The following SAMD4A variants were observed in gnomAD, a reference collection of about 807,000 sequenced individuals.
The protein encoded by SAMD4A is protein Smaug homolog 1.
Under a neutral mutation model 81.3 loss-of-function variants are expected in SAMD4A, and 33 were observed. That is an observed-to-expected ratio of 0.41 (90% CI 0.31 to 0.54). The LOEUF is 0.54. Ranked by LOEUF, SAMD4A falls within the 20% of genes least tolerant of loss-of-function variation. The probability of loss-of-function intolerance (pLI) is 0.37; values close to 1 mark genes in which losing one functional copy is unlikely to be tolerated. For missense variants in SAMD4A, 854 were observed against 951.1 expected, an observed-to-expected ratio of 0.90 and a Z score of 1.34; for synonymous variants, 389 against 382.1, an observed-to-expected ratio of 1.02 and a Z score of -0.21.
chr14:54,637,388 G>A (rs73271542), intron 2 of SAMD4A, among the ~76,000 whole-genome samples: 50,144 of 125,248 alleles, frequency 0.4, 10,359 homozygotes, highest in East Asian at 0.76. Context: ...AAAAAAAAAA[G>A]AGGCAAGAAG....
chr14:54,693,495 C>G (rs1184864882), intron 2 of SAMD4A: 1 of 152,162 alleles, frequency 6.6e-6, no homozygotes, highest in Admixed American at 6.6e-5. Context: ...CTAACCTGAG[C>G]AACAAAGCAA....
intron 11 of SAMD4A, among the ~76,000 whole-genome samples, chr14:54,777,343 T>G (rs1201903462): frequency 6.6e-6 from 1 of 152,072 alleles, no homozygotes; most frequent in African/African-American, 2.4e-5. Context: ...TGGCCTGGAA[T>G]AGGCAAGGAA....
intron 2 of SAMD4A, chr14:54,687,939 A>G (rs1343010279): frequency 2.0e-6 from 2 of 986,864 alleles, no homozygotes; most frequent in Admixed American, 1.2e-4. Flanking sequence ...TCTGTGGCTG[A>G]TGCCTCTGAC....
intron 2 of SAMD4A, among the ~76,000 whole-genome samples, chr14:54,577,836 G>A (rs942278402): frequency 6.6e-6 from 1 of 152,210 alleles, no homozygotes; most frequent in Non-Finnish European, 1.5e-5. Flanking sequence ...GCAGAGAGCT[G>A]TCACTGCTTA....
At chr14:54,764,720 C>T (rs761328718) in intron 8 of SAMD4A, among the ~76,000 whole-genome samples, 180 bp downstream of exon 8, 17 of 152,210 alleles carry the variant, frequency 1.1e-4, no homozygotes, top group Non-Finnish European at 2.2e-4. Context: ...ACAGCTTGAA[C>T]ATTACTTTGG....
At chr14:54,684,829 G>T (rs2036219403) in intron 2 of SAMD4A, among the ~76,000 whole-genome samples, 1 of 152,240 alleles carries the variant, frequency 6.6e-6, no homozygotes, top group African/African-American at 2.4e-5. Context: ...CAGCAGGCCT[G>T]CTCTGTGCAG....
chr14:54,635,441 T>A (rs990881473), intron 2 of SAMD4A, among the ~76,000 whole-genome samples: 2 of 149,986 alleles, frequency 1.3e-5, no homozygotes, highest in Non-Finnish European at 3.0e-5. Flanking sequence ...ATAATAATAA[T>A]AAAATAAAAT....
At chr14:54,723,653 C>T (rs1456298443) in intron 3 of SAMD4A, among the ~76,000 whole-genome samples, 2 of 152,222 alleles carry the variant, frequency 1.3e-5, no homozygotes, top group African/African-American at 2.4e-5. Context: ...ATTAACACTG[C>T]CTTGCGGCTT....
intron 2 of SAMD4A, among the ~76,000 whole-genome samples, chr14:54,582,222 A>T (rs1343014912): frequency 6.6e-6 from 1 of 152,020 alleles, no homozygotes; most frequent in Non-Finnish European, 1.5e-5. Context: ...GATAGGAATA[A>T]TTTGGACAAG....
intron 8 of SAMD4A, among the ~76,000 whole-genome samples, chr14:54,769,076 C>T (rs2139903906): frequency 6.6e-6 from 1 of 152,352 alleles, no homozygotes; most frequent in South Asian, 2.1e-4. Context: ...TCAATCAAAT[C>T]ACATGGATTT....
chr14:54,575,738 C>T (rs903926454), intron 2 of SAMD4A, among the ~76,000 whole-genome samples: 18 of 152,266 alleles, frequency 1.2e-4, no homozygotes, highest in Middle Eastern at 3.4e-3. Flanking sequence ...GTTTTACTTA[C>T]GCATGTAAGC....
At chr14:54,608,448 A>G (rs1046397777) in intron 2 of SAMD4A, among the ~76,000 whole-genome samples, 1 of 152,208 alleles carries the variant, frequency 6.6e-6, no homozygotes, top group East Asian at 1.9e-4. Context: ...TCTTAATCGT[A>G]TGCTCTCACA....
chr14:54,693,093 G>A (rs2036492480), intron 2 of SAMD4A: 2 of 152,032 alleles, frequency 1.3e-5, no homozygotes, highest in Admixed American at 1.3e-4. Flanking sequence ...AAAAAACAAT[G>A]GGGAAACTTT....
intron 4 of SAMD4A, among the ~76,000 whole-genome samples, chr14:54,747,779 T>C (rs2038003614): frequency 6.6e-6 from 1 of 152,210 alleles, no homozygotes; most frequent in East Asian, 1.9e-4. Context: ...ACCACACACT[T>C]GCTCTGTGAT....
At position 54,760,498 on chromosome 14, in the gene SAMD4A, G is replaced by A. The variant is rs766074541; in HGVS notation, c.1510+4G>A. On this transcript the variant is annotated splice_donor_region_variant and intron_variant, in intron 7 of 12. Transcript: ENST00000554335. The stretch of plus-strand genomic sequence containing the variant: ...TTCACACGCGTCATGGGGAAAGGTA[G>A]AGCCTCATTCGCCCATTTCTTTTTT... 29 of 1,389,848 alleles carry A rather than the reference G, an allele frequency of 2.1e-5. No homozygotes were observed. The highest frequency in any genetic ancestry group is 2.6e-5 in the Non-Finnish European group (28 of 1,080,160). 86.1% of individuals were successfully genotyped at this position (1,389,848 alleles called of 1,614,324 possible).
intron 3 of SAMD4A, among the ~76,000 whole-genome samples, chr14:54,724,007 T>TGGATGGAA (rs1555347506): frequency 1.7e-3 from 212 of 124,252 alleles, no homozygotes; most frequent in East Asian, 9.0e-3. Context: ...GATGGATGGA[T>TGGATGGAA]GGAAGGAAGG....
At chr14:54,782,006 G>A (rs191388207) in intron 11 of SAMD4A, among the ~76,000 whole-genome samples, 42 of 152,326 alleles carry the variant, frequency 2.8e-4, no homozygotes, top group South Asian at 8.3e-4. Flanking sequence ...TGGGGGTCAC[G>A]GCTCCCCAGT....
At chr14:54,568,261 C>G in intron 2 of SAMD4A, 149 bp downstream of exon 2, 9 of 686,526 alleles carry the variant, frequency 1.3e-5, no homozygotes, top group Non-Finnish European at 1.8e-5. Context: ...GAATCCACCC[C>G]CTCCGGGTGT....
intron 8 of SAMD4A, among the ~76,000 whole-genome samples, 168 bp downstream of exon 8, chr14:54,764,708 A>G (rs1214643320): frequency 1.3e-5 from 2 of 152,202 alleles, no homozygotes; most frequent in Non-Finnish European, 2.9e-5. Flanking sequence ...TCAAACCCAA[A>G]CACAGCTTGA....
Sources: allele counts gnomAD v4.1 joint callset (sites outside exome capture counted in the v4.1 genomes callset), GRCh38; gene constraint gnomAD v4.1.1; transcripts MANE v1.5; gene names NCBI Gene and HGNC (gene_info 2026-07-23, HGNC 2026-07-21).